Variants in VPS13D observed in about 807,000 individuals in gnomAD.
The protein encoded by VPS13D is intermembrane lipid transfer protein VPS13D.
Under a neutral mutation model 461.9 loss-of-function variants are expected in VPS13D, and 187 were observed. The ratio of observed to expected loss-of-function variants is 0.40; its 90% CI spans 0.36 to 0.46. VPS13D has a LOEUF of 0.46. Ranked by LOEUF, VPS13D falls within the 20% of genes least tolerant of loss-of-function variation. VPS13D has a pLI of 0.60. For missense variants in VPS13D, 4,711 were observed against 5,364.9 expected (o/e 0.88, Z 3.81); for synonymous variants, 1,951 against 1,986.3 (o/e 0.98, Z 0.47).
At chr1:12,362,994 G>T (rs1294603496) in intron 51 of VPS13D, 78 bp from the exon 52 acceptor site, 2 of 1,586,398 alleles carry the variant, frequency 1.3e-6, no homozygotes, top group Admixed American at 1.7e-5. Context: ...AGAGGGTAAG[G>T]CTCAGAGTAG....
At chr1:12,350,657 G>A (rs1643772936) in intron 46 of VPS13D, among the ~76,000 whole-genome samples, 1 of 152,104 alleles carries the variant, frequency 6.6e-6, no homozygotes, top group African/African-American at 2.4e-5. Flanking sequence ...TTAATCTTCT[G>A]CCTTCAGAAG....
At chr1:12,356,722 G>A (rs1179938312) in intron 49 of VPS13D, among the ~76,000 whole-genome samples, 198 bp downstream of exon 49, 1 of 152,182 alleles carries the variant, frequency 6.6e-6, no homozygotes, top group African/African-American at 2.4e-5. Context: ...TAAACCATTT[G>A]GTTGGTTTAT....
At chr1:12,478,526 A>C in intron 67 of VPS13D, 1 of 296,934 alleles carries the variant, frequency 3.4e-6, no homozygotes, top group Admixed American at 4.0e-5. Flanking sequence ...GTTTATAAAG[A>C]GTCGAGGCTG....
chr1:12,303,566 T>C (rs1642482256), intron 25 of VPS13D, among the ~76,000 whole-genome samples: 1 of 152,186 alleles, frequency 6.6e-6, no homozygotes, highest in Non-Finnish European at 1.5e-5. Flanking sequence ...ATAAAAAAAT[T>C]GCAGAAAGCA....
Position 12,253,831 on chromosome 1 carries a change from G to T in VPS13D, c.669+5G>T. On this transcript the variant is annotated splice_donor_5th_base_variant and intron_variant, in intron 7 of 69. Coordinates refer to ENST00000620676, the MANE Select transcript of VPS13D (RefSeq NM_015378.4). ...TTGCCTCAGATGGAGTTACAGGTAC[G>T]ATTTCGGCAGGGAGATTTGTTGCAA... 1 of 1,612,332 alleles carries T rather than the reference G, an allele frequency of 6.2e-7. No homozygotes were observed.
intron 42 of VPS13D, chr1:12,345,059 C>G (rs1448898327): frequency 4.4e-6 from 1 of 228,902 alleles, no homozygotes. Context: ...ACCCCAGTGA[C>G]ATCATTATAT....
chr1:12,387,115 C>T (rs1644360115), intron 60 of VPS13D, among the ~76,000 whole-genome samples: 1 of 152,116 alleles, frequency 6.6e-6, no homozygotes, highest in African/African-American at 2.4e-5. Flanking sequence ...TGCCTGCTGC[C>T]CACACAGGGC....
intron 24 of VPS13D, among the ~76,000 whole-genome samples, chr1:12,295,640 T>C (rs1557692495): frequency 6.6e-6 from 1 of 152,250 alleles, no homozygotes; most frequent in African/African-American, 2.4e-5. Flanking sequence ...TATAACCTTT[T>C]TTTCTTTCTT....
At chr1:12,405,492 G>T (rs779069216) in intron 63 of VPS13D, among the ~76,000 whole-genome samples, 49 of 152,268 alleles carry the variant, frequency 3.2e-4, no homozygotes, top group Non-Finnish European at 5.9e-4. Context: ...CAGCATTGGG[G>T]TGGCAAACTG....
At chr1:12,267,756 G>T (rs1017440324) in intron 14 of VPS13D, 89 bp from the exon 15 acceptor site, 1 of 1,107,300 alleles carries the variant, frequency 9.0e-7, no homozygotes, top group African/African-American at 1.5e-5. Flanking sequence ...TGCTAAGGGA[G>T]TGTGTTGCTG....
chr1:12,362,701 T>C lies in VPS13D; in HGVS notation c.10142-19T>C. 1 of 1,611,454 alleles carries C rather than the reference T, an allele frequency of 6.2e-7. No individual in the cohort carries two copies. Among genetic ancestry groups the C allele is most frequent in the Non-Finnish European group, 8.5e-7 (1 of 1,178,942 alleles). On this transcript the variant is annotated intron_variant, in intron 50 of 69. Coordinates refer to ENST00000620676, the MANE Select transcript of VPS13D (RefSeq NM_015378.4). ...TCTCTTCATGGTTAACTCATAAAAG[T>C]GGTTCTTGTTATTTGTAGGTATTGA...
intron 68 of VPS13D, among the ~76,000 whole-genome samples, chr1:12,500,852 C>T (rs1019505366): frequency 2.0e-5 from 3 of 150,042 alleles, no homozygotes; most frequent in Admixed American, 1.3e-4. Context: ...CGCTTGAGGC[C>T]GGGAGTTCAA....
intron 65 of VPS13D, among the ~76,000 whole-genome samples, chr1:12,426,001 A>G (rs1292928129): frequency 6.6e-6 from 1 of 152,206 alleles, no homozygotes; most frequent in Non-Finnish European, 1.5e-5. Flanking sequence ...TCCCAACTTT[A>G]ACACCTCTGT....
At chr1:12,454,175 G>A (rs1349154419) in intron 65 of VPS13D, among the ~76,000 whole-genome samples, 1 of 152,126 alleles carries the variant, frequency 6.6e-6, no homozygotes, top group Non-Finnish European at 1.5e-5. Context: ...AGATGCAGAG[G>A]AGGCTCAGAG....
chr1:12,397,718 G>A (rs1644518559), intron 60 of VPS13D, among the ~76,000 whole-genome samples: 1 of 152,190 alleles, frequency 6.6e-6, no homozygotes, highest in Non-Finnish European at 1.5e-5. Flanking sequence ...GATAACTGCT[G>A]TAAAGAATAG....
rs1643048844 is a variant in VPS13D, at chr1:12,321,939, G to A, written c.7679G>A (p.Ser2560Asn). 1.9e-6 allele frequency: 3 copies of A among 1,613,514 alleles called. No homozygotes were observed. The highest frequency in any genetic ancestry group is 1.3e-5 in the African/African-American group (1 of 75,004). The change falls in exon 33 of 70, where the codon AGT becomes AAT. Residue 2560 changes from serine (S) to asparagine (N), a missense_variant. This residue lies in a region of VPS13D where 4,411 missense variants were observed against 4,937.8 expected (regional missense o/e 0.89). Transcript: ENST00000620676. ...NSSGLMDAFN[S>N]EDFPPVLEIQ... ...TCAGGATTGATGGATGCATTCAATA[G>A]TGAAGATTTCCCACCTGTCCTGGAG...
chr1:12,316,825 T>G (rs1427169930), intron 30 of VPS13D, among the ~76,000 whole-genome samples: 1 of 146,396 alleles, frequency 6.8e-6, no homozygotes, highest in Non-Finnish European at 1.5e-5. Flanking sequence ...CTCCAGCCCC[T>G]GTTTCTCTTG....
chr1:12,399,851 GT>G (rs1243560929), intron 60 of VPS13D, among the ~76,000 whole-genome samples: 5 of 152,042 alleles, frequency 3.3e-5, no homozygotes, highest in African/African-American at 9.7e-5. Flanking sequence ...TATTCATCGT[GT>G]ACAACATGAT....
At position 12,398,587 on chromosome 1, in the gene VPS13D, T is replaced by C. The variant is rs537756763; in HGVS notation, c.11635-1594T>C. Among the ~76,000 whole-genome samples, 175 of 152,272 alleles carry C rather than the reference T, an allele frequency of 1.1e-3. 1 individual carries two copies. Among genetic ancestry groups the C allele is most frequent in the Non-Finnish European group, 2.2e-3 (147 of 68,014 alleles). ...TCCTCTTCCTGGTGGTGAACTTCGA[T>C]GTGAGACAGAACAGGAAGATGGCTG... On this transcript the variant is annotated intron_variant, in intron 60 of 69. Coordinates refer to ENST00000620676, the MANE Select transcript of VPS13D (RefSeq NM_015378.4).
Sources: gnomAD v4.1 joint callset for allele counts (sites outside exome capture counted in the v4.1 genomes callset) on GRCh38, gnomAD v4.1.1 for gene constraint, gnomAD v4.1.1 regional missense constraint, MANE v1.5 for transcripts, NCBI Gene and HGNC (gene_info 2026-07-23, HGNC 2026-07-21) for gene names.